Variants in IMMP2L observed in about 807,000 individuals in gnomAD.
IMMP2L encodes the protein inner mitochondrial membrane peptidase subunit 2, also known as mitochondrial inner membrane protease subunit 2.
A neutral mutation model predicts 19.3 loss-of-function variants in IMMP2L; 18 were observed. The observed-to-expected ratio is 0.93, with a 90% confidence interval of 0.64 to 1.38. The LOEUF is 1.38. Among genes scored for constraint, IMMP2L ranks in the 40% most tolerant of loss-of-function variants. IMMP2L has a pLI of 0.00. For missense variants in IMMP2L, 233 were observed against 218.2 expected, an observed-to-expected ratio of 1.07 and a Z score of -0.43; for synonymous variants, 76 against 73.0, an observed-to-expected ratio of 1.04 and a Z score of -0.21.
At chr7:111,258,429 A>G (rs1458965940) in intron 3 of IMMP2L, among the ~76,000 whole-genome samples, 1 of 152,188 alleles carries the variant, frequency 6.6e-6, no homozygotes, top group African/African-American at 2.4e-5. Context: ...GCATATTTAT[A>G]TATCTTCTAC....
intron 3 of IMMP2L, among the ~76,000 whole-genome samples, chr7:111,008,941 T>C (rs1824608131): frequency 6.6e-6 from 1 of 152,130 alleles, no homozygotes; most frequent in African/African-American, 2.4e-5. Flanking sequence ...CTTTGAGTCA[T>C]CTCAGTGTCA....
chr7:111,123,834 T>G lies in IMMP2L; in HGVS notation c.240-160269A>C, dbSNP rs1469072128. 4 of 1,614,000 alleles carry G rather than the reference T, an allele frequency of 2.5e-6. No individual in the cohort carries two copies. Among genetic ancestry groups the G allele is most frequent in the Non-Finnish European group, 3.4e-6 (4 of 1,179,984 alleles). On this transcript the variant is annotated intron_variant, in intron 3 of 5. Transcript: ENST00000405709. The surrounding 1 kb of genome is among the most constrained non-coding windows in gnomAD (Gnocchi z 6.4). ...TCAGTGCCCTGTACCATGGTACCATTGAGTCTCTGCCAAACCTCAAGGAAA... is the reference window on the plus strand; with the variant it reads ...TCAGTGCCCTGTACCATGGTACCATGGAGTCTCTGCCAAACCTCAAGGAAA...
intron 3 of IMMP2L, among the ~76,000 whole-genome samples, chr7:110,987,699 G>A (rs955143852): frequency 1.3e-5 from 2 of 152,124 alleles, no homozygotes; most frequent in African/African-American, 4.8e-5. Flanking sequence ...GCCAACAGAT[G>A]GGTACAGTGT....
intron 3 of IMMP2L, among the ~76,000 whole-genome samples, chr7:111,086,698 G>A (rs1317854978): frequency 6.6e-6 from 1 of 152,100 alleles, no homozygotes; most frequent in African/African-American, 2.4e-5. Context: ...GACCTTCCTA[G>A]CACAATGTCA....
chr7:110,699,777 A>AT (rs1240668344), intron 5 of IMMP2L, among the ~76,000 whole-genome samples: 4 of 151,394 alleles, frequency 2.6e-5, no homozygotes, highest in Admixed American at 2.6e-4. Flanking sequence ...AAAAAAAAAA[A>AT]AATAAGGTGA....
chr7:110,707,195 C>T (rs1176572616), intron 5 of IMMP2L, among the ~76,000 whole-genome samples: 1 of 66,266 alleles, frequency 1.5e-5, no homozygotes, highest in Non-Finnish European at 3.0e-5. Context: ...GTGATATTCC[C>T]CTTCCTGTGT....
chr7:111,270,779 T>C (rs1308420520), intron 3 of IMMP2L, among the ~76,000 whole-genome samples: 1 of 152,212 alleles, frequency 6.6e-6, no homozygotes, highest in Admixed American at 6.6e-5. Flanking sequence ...TATTTGTTTT[T>C]ATTTTCTTAC....
intron 5 of IMMP2L, among the ~76,000 whole-genome samples, chr7:110,785,581 T>C (rs563035902): frequency 4.5e-4 from 68 of 152,078 alleles, no homozygotes; most frequent in African/African-American, 1.6e-3. Context: ...GTGACACATC[T>C]AGGAAGAGGT....
chr7:111,360,146 T>C (rs1021114811), intron 3 of IMMP2L, among the ~76,000 whole-genome samples: 6 of 147,652 alleles, frequency 4.1e-5, no homozygotes, highest in Non-Finnish European at 8.9e-5. Flanking sequence ...CGCCATAATG[T>C]CATTACAAAT....
At chr7:111,375,799 C>A (rs1830634629) in intron 3 of IMMP2L, among the ~76,000 whole-genome samples, 1 of 152,106 alleles carries the variant, frequency 6.6e-6, no homozygotes, top group Non-Finnish European at 1.5e-5. Flanking sequence ...GCTAGGCTTA[C>A]AGGCATGAGC....
In IMMP2L at chr7:110,757,456, C is replaced by T. The variant is rs139581305; in HGVS notation, c.409-93735G>A. Reference sequence around the variant, plus strand: ...TGTCTTTTATTTGGATCACCAGATACGCTCTCCACATTTCTCTTGAACTCT... The same window carrying T: ...TGTCTTTTATTTGGATCACCAGATATGCTCTCCACATTTCTCTTGAACTCT... On this transcript the variant is annotated intron_variant, in intron 5 of 5. Transcript: ENST00000405709. The surrounding 1 kb of genome is among the most constrained non-coding windows in gnomAD (Gnocchi z 4.2). 6.7e-4 allele frequency among the ~76,000 whole-genome samples: 102 copies of T among 152,136 alleles called. No homozygotes were observed. Among genetic ancestry groups the T allele is most frequent in the Middle Eastern group, 3.4e-3 (1 of 294 alleles).
chr7:111,222,950 T>C (rs1396922834), intron 3 of IMMP2L, among the ~76,000 whole-genome samples: 3 of 151,940 alleles, frequency 2.0e-5, no homozygotes, highest in Non-Finnish European at 4.4e-5. Flanking sequence ...AACAGATACA[T>C]GAATTATGGC....
chr7:110,835,184 A>T (rs950789992), intron 5 of IMMP2L, among the ~76,000 whole-genome samples: 33 of 152,326 alleles, frequency 2.2e-4, no homozygotes, highest in African/African-American at 7.9e-4. Context: ...TAGTAAGAAC[A>T]AAATAAAAAC....
chr7:111,360,044 C>A (rs995371484), intron 3 of IMMP2L, among the ~76,000 whole-genome samples: 1 of 151,934 alleles, frequency 6.6e-6, no homozygotes, highest in South Asian at 2.1e-4. Context: ...CAATTCCTAT[C>A]CTGTTGAAAT....
chr7:111,166,839 T>G (rs1329453593), intron 3 of IMMP2L, among the ~76,000 whole-genome samples: 1 of 152,022 alleles, frequency 6.6e-6, no homozygotes, highest in Non-Finnish European at 1.5e-5. Context: ...TCACCTCTTC[T>G]CTGTGTGTCT....
At chr7:111,292,740 A>G (rs1469793060) in intron 3 of IMMP2L, among the ~76,000 whole-genome samples, 5 of 151,996 alleles carry the variant, frequency 3.3e-5, no homozygotes, top group East Asian at 3.9e-4. Flanking sequence ...AATATTGAAC[A>G]TTTTTTGGAG....
At chr7:110,806,223 C>T (rs1366526946) in intron 5 of IMMP2L, among the ~76,000 whole-genome samples, 1 of 151,922 alleles carries the variant, frequency 6.6e-6, no homozygotes, top group Non-Finnish European at 1.5e-5. Flanking sequence ...CAGCGGAAGT[C>T]CAAGAGAGTT....
chr7:111,428,861 A>G (rs1374585572), intron 3 of IMMP2L, among the ~76,000 whole-genome samples: 2 of 151,854 alleles, frequency 1.3e-5, no homozygotes, highest in South Asian at 2.1e-4. Flanking sequence ...TTCATTTTCC[A>G]TAAGTACTTA....
At chr7:110,809,516 A>G (rs1378587291) in intron 5 of IMMP2L, among the ~76,000 whole-genome samples, 1 of 151,956 alleles carries the variant, frequency 6.6e-6, no homozygotes, top group Non-Finnish European at 1.5e-5. Context: ...AAATAAACAT[A>G]TATTGTATTA....
Sources: gnomAD v4.1 joint callset for allele counts (sites outside exome capture counted in the v4.1 genomes callset) on GRCh38, gnomAD v4.1.1 for gene constraint, Gnocchi (gnomAD v3.1) non-coding constraint, MANE v1.5 for transcripts, NCBI Gene and HGNC (gene_info 2026-07-23, HGNC 2026-07-21) for gene names.